Variants in TTC3 observed in about 807,000 individuals in gnomAD.
The protein encoded by TTC3 is tetratricopeptide repeat domain 3, also known as E3 ubiquitin-protein ligase TTC3.
TTC3 carries 180 observed loss-of-function variants against 249.6 expected under a neutral mutation model. The ratio of observed to expected loss-of-function variants is 0.72; its 90% CI spans 0.64 to 0.82. The LOEUF (loss-of-function observed/expected upper bound fraction) is 0.82. TTC3 is among the 40% of genes least tolerant of loss of function. The probability of loss-of-function intolerance (pLI) is 0.00; values close to 1 mark genes in which losing one functional copy is unlikely to be tolerated. For missense variants in TTC3, 2,061 were observed against 2,398.4 expected (o/e 0.86, Z 2.94); for synonymous variants, 717 against 805.0 (o/e 0.89, Z 1.85).
chr21:37,136,439 C>T lies in TTC3; in HGVS notation c.1578+925C>T, dbSNP rs2077944974. Among the ~76,000 whole-genome samples, 3 of 152,184 alleles carry T rather than the reference C, an allele frequency of 2.0e-5. No individual in the cohort carries two copies. In the South Asian group the frequency reaches 6.2e-4, roughly 32 times the overall value. On this transcript the variant is annotated intron_variant, in intron 18 of 45. Coordinates refer to ENST00000355666, the Ensembl canonical transcript of TTC3. ...CATGAATGACAAGAAAGTGAAACAA[C>T]TTTCTTGCCGATGCAGAGAGTCTTA...
rs746696684 is a variant in TTC3 at position 37,091,330 on chromosome 21, A to C, written c.518A>C (p.Lys173Thr). 3.1e-6 allele frequency: 5 copies of C among 1,611,854 alleles called. No individual in the cohort carries two copies. In the East Asian group the frequency reaches 1.1e-4, roughly 36 times the overall value. ...ATGGAAGAAGCTCTGAATTGGATAA[A>C]ATATGCAGGCGATGTAACAATTCTA... The change falls in exon 7 of 46, where the codon AAA (lysine) becomes ACA (threonine). Residue 173 changes from lysine to threonine, a missense_variant. By Grantham distance (78) the Lys-to-Thr change is moderately conservative (BLOSUM62 -1). This residue lies in a region of TTC3 where 989 missense variants were observed against 1,145.1 expected (regional missense o/e 0.86). Transcript: ENST00000355666.
chr21:37,196,355 G>C (rs1443831265), intron 42 of TTC3, among the ~76,000 whole-genome samples: 4 of 151,020 alleles, frequency 2.6e-5, no homozygotes, highest in Non-Finnish European at 5.9e-5. Context: ...TCCTGCCTCA[G>C]CCTCCTGAGA....
At chr21:37,177,912 C>T (rs911577534) in intron 35 of TTC3, among the ~76,000 whole-genome samples, 6 of 152,172 alleles carry the variant, frequency 3.9e-5, no homozygotes, top group Admixed American at 2.6e-4. Context: ...GTAGCACAAT[C>T]TAAGTTTCAA....
At chr21:37,118,546 G>A (rs961588121) in intron 11 of TTC3, among the ~76,000 whole-genome samples, 8 of 152,148 alleles carry the variant, frequency 5.3e-5, no homozygotes, top group Non-Finnish European at 8.8e-5. Context: ...TAAATTTTGA[G>A]GGGCGCATTA....
intron 10 of TTC3, among the ~76,000 whole-genome samples, chr21:37,102,890 A>G (rs1377147017): frequency 6.6e-6 from 1 of 152,158 alleles, no homozygotes; most frequent in Non-Finnish European, 1.5e-5. Context: ...CCAGCTACTC[A>G]GGAGGCTGAG....
intron 45 of TTC3, among the ~76,000 whole-genome samples, chr21:37,201,072 C>G (rs1283988184): frequency 1.3e-5 from 2 of 152,102 alleles, no homozygotes; most frequent in Non-Finnish European, 2.9e-5. Context: ...GGGCCAAGGC[C>G]AGGCCAAGGG....
intron 8 of TTC3, among the ~76,000 whole-genome samples, chr21:37,094,658 C>T (rs1338400043): frequency 1.3e-5 from 2 of 151,836 alleles, no homozygotes; most frequent in Non-Finnish European, 2.9e-5. Context: ...CATTTGCTAA[C>T]CTAAAGTTAA....
intron 18 of TTC3, among the ~76,000 whole-genome samples, chr21:37,137,984 T>TA (rs1321254286): frequency 1.3e-5 from 2 of 152,168 alleles, no homozygotes; most frequent in East Asian, 3.9e-4. Flanking sequence ...TATACCTGTG[T>TA]AACAAACCTG....
intron 10 of TTC3, among the ~76,000 whole-genome samples, chr21:37,100,211 A>G (rs1320483468): frequency 6.6e-6 from 1 of 152,214 alleles, no homozygotes; most frequent in Non-Finnish European, 1.5e-5. Flanking sequence ...AGTATATGGC[A>G]ACATGTTAAT....
rs61629167 is a variant in TTC3 at position 37,076,694 on chromosome 21, A to ATTTTTTTTTTTT, written c.-12+3345_-12+3356dup. On this transcript the variant is annotated intron_variant, in intron 1 of 45. Coordinates refer to ENST00000355666, the Ensembl canonical transcript of TTC3. ...AAACTCCCTTGGGGAAAACAAAGGG[A>ATTTTTTTTTTTT]TTTTTTTTTTTTTTTTTTTTTTTTT... Among the ~76,000 whole-genome samples the ATTTTTTTTTTTT allele has an allele frequency of 5.5e-4, 52 of 94,992 alleles. 3 individuals are homozygous for ATTTTTTTTTTTT. The highest frequency in any genetic ancestry group is 1.2e-3 in the African/African-American group (25 of 21,224). The allele number at this position is 94,992 out of a possible 152,430, so 62.3% of individuals were successfully genotyped here. A position where few individuals can be genotyped will look rare whatever the true frequency, so the allele number is the denominator to read the frequency against.
At chr21:37,101,984 T>C (rs1214016681) in intron 10 of TTC3, among the ~76,000 whole-genome samples, 1 of 149,928 alleles carries the variant, frequency 6.7e-6, no homozygotes, top group Non-Finnish European at 1.5e-5. Flanking sequence ...ATTATAGATA[T>C]ATTAGTATGT....
chr21:37,079,490 T>G (rs922459681), intron 1 of TTC3, among the ~76,000 whole-genome samples: 3 of 150,430 alleles, frequency 2.0e-5, no homozygotes, highest in African/African-American at 7.4e-5. Context: ...TTTTAGAAAT[T>G]TGTCCTTTCA....
chr21:37,159,766 G>GA (rs113972351), intron 29 of TTC3, 21 bp downstream of exon 29: 1,612,026 of 1,612,030 alleles, frequency 1, 806,011 homozygotes, highest in Middle Eastern at 1. Context: ...TGGATCACTT[G>GA]AATCTTACGT....
At chr21:37,096,966 T>C in intron 10 of TTC3, 1 of 193,802 alleles carries the variant, frequency 5.2e-6, no homozygotes, top group Non-Finnish European at 1.0e-5. Flanking sequence ...TAAATAGTGA[T>C]ACCAAGATTT....
intron 10 of TTC3, chr21:37,098,247 G>A (rs2074140783): frequency 4.0e-6 from 1 of 248,434 alleles, no homozygotes; most frequent in Non-Finnish European, 7.6e-6. Context: ...AGATGAATAG[G>A]TTGGCAACTT....
At chr21:37,118,030 G>T (rs541992060) in intron 11 of TTC3, among the ~76,000 whole-genome samples, 2 of 151,532 alleles carry the variant, frequency 1.3e-5, no homozygotes, top group East Asian at 3.9e-4. Context: ...GTGATGTGTC[G>T]TATGATTGCA....
chr21:37,158,625 G>A (rs1569094321), intron 28 of TTC3, among the ~76,000 whole-genome samples: 1 of 152,080 alleles, frequency 6.6e-6, no homozygotes, highest in Non-Finnish European at 1.5e-5. Context: ...TGATCCCCTA[G>A]GGTATTTCTG....
Position 37,170,592 on chromosome 21 carries a change from T to C in TTC3, c.4468-2003T>C, listed in dbSNP as rs576797163. 7.9e-5 allele frequency among the ~76,000 whole-genome samples: 12 copies of C among 152,318 alleles called. No individual in the cohort carries two copies. The South Asian group carries it at 2.5e-3, about 32-fold the overall frequency. On this transcript the variant is annotated intron_variant, in intron 34 of 45. Coordinates refer to ENST00000355666, the Ensembl canonical transcript of TTC3. ...TCCATCAATAGCGGACTAGTTAAAT[T>C]ATGATATACCTATAAAATGAAATAT...
rs79113132 is a variant in TTC3, at chr21:37,098,125, G to A, written c.845+1482G>A. 455 of 491,050 alleles carry A rather than the reference G, an allele frequency of 9.3e-4. 3 individuals carry two copies. The East Asian group carries it at 0.012, about 13-fold the overall frequency. The allele number at this position is 491,050 out of a possible 1,614,324, so 30.4% of individuals were successfully genotyped here. A position where few individuals can be genotyped will look rare whatever the true frequency, so the allele number is the denominator to read the frequency against. On this transcript the variant is annotated intron_variant, in intron 10 of 45. Coordinates refer to ENST00000355666, the Ensembl canonical transcript of TTC3. ...TTCCATCAATACCACTGTCCTCAACGGGTTCTGACAAGAAATGAGCTGCAC... is the reference window on the plus strand; with the variant it reads ...TTCCATCAATACCACTGTCCTCAACAGGTTCTGACAAGAAATGAGCTGCAC...
Sources: allele counts gnomAD v4.1 joint callset (sites outside exome capture counted in the v4.1 genomes callset), GRCh38; gene constraint gnomAD v4.1.1; regional missense constraint gnomAD v4.1.1; transcripts MANE v1.5; gene names NCBI Gene and HGNC (gene_info 2026-07-23, HGNC 2026-07-21).